AFG2A: variants seen among roughly 807,000 people sequenced by gnomAD.
AFG2A encodes the protein ATPase family gene 2 protein homolog A.
At chr4:123,059,032 A>G in the AFG2A span, among the ~76,000 whole-genome samples, 1 of 152,100 alleles carries the variant, frequency 6.6e-6, no homozygotes, top group South Asian at 2.1e-4. Context: ...TTGGATAAAT[A>G]CACCCGTTCC....
chr4:123,036,626 G>GTAATA, the AFG2A span, among the ~76,000 whole-genome samples: 1 of 152,050 alleles, frequency 6.6e-6, no homozygotes, highest in Non-Finnish European at 1.5e-5. Context: ...GGATTTCATG[G>GTAATA]GCATGTAAAT....
the AFG2A span, chr4:122,927,580 T>C: frequency 2.1e-5 from 32 of 1,543,124 alleles, no homozygotes; most frequent in African/African-American, 2.8e-5. Context: ...AAAGAAAGCA[T>C]GCCTTAACTT....
chr4:122,998,467 C>T, the AFG2A span, among the ~76,000 whole-genome samples: 61 of 151,778 alleles, frequency 4.0e-4, no homozygotes, highest in Middle Eastern at 3.4e-3. Flanking sequence ...CCCACTCCCC[C>T]CACCCCACAA....
the AFG2A span, among the ~76,000 whole-genome samples, chr4:123,225,136 A>G: frequency 1.3e-5 from 2 of 152,188 alleles, no homozygotes; most frequent in African/African-American, 4.8e-5. Flanking sequence ...AGTAGATTGC[A>G]AAAATTTTCT....
the AFG2A span, among the ~76,000 whole-genome samples, chr4:123,105,141 C>T: frequency 3.9e-5 from 6 of 152,110 alleles, no homozygotes; most frequent in African/African-American, 7.2e-5. Flanking sequence ...CTGGTGACTA[C>T]GTGGAAGCCA....
At chr4:123,073,534 G>A in the AFG2A span, among the ~76,000 whole-genome samples, 2 of 152,018 alleles carry the variant, frequency 1.3e-5, no homozygotes, top group African/African-American at 4.8e-5. Flanking sequence ...CCCAAACTTT[G>A]CTATGGAGAG....
At chr4:123,228,930 C>T in the AFG2A span, among the ~76,000 whole-genome samples, 1 of 151,900 alleles carries the variant, frequency 6.6e-6, no homozygotes, top group African/African-American at 2.4e-5. Flanking sequence ...TTATCAAGCA[C>T]ATTAGATATT....
the AFG2A span, among the ~76,000 whole-genome samples, chr4:123,030,159 A>G: frequency 6.6e-6 from 1 of 152,162 alleles, no homozygotes; most frequent in Non-Finnish European, 1.5e-5. Context: ...TGTCTACTGG[A>G]AATCTAAAAT....
the AFG2A span, among the ~76,000 whole-genome samples, chr4:123,156,372 C>T: frequency 6.6e-6 from 1 of 152,080 alleles, no homozygotes; most frequent in East Asian, 1.9e-4. Flanking sequence ...CTTCAAGGGC[C>T]TATTCTCTAT....
chr4:122,928,967 C>T, the AFG2A span: 1 of 1,534,636 alleles, frequency 6.5e-7, no homozygotes, highest in Non-Finnish European at 8.8e-7. Context: ...CTGTGCTTAG[C>T]ATTCTACCTT....
chr4:123,187,463 G>A, the AFG2A span, among the ~76,000 whole-genome samples: 8 of 152,044 alleles, frequency 5.3e-5, no homozygotes, highest in South Asian at 2.1e-4. Context: ...TTTGGTCTTC[G>A]TTCAAAAGCA....
At chr4:123,059,616 G>A in the AFG2A span, among the ~76,000 whole-genome samples, 3 of 151,278 alleles carry the variant, frequency 2.0e-5, no homozygotes, top group Admixed American at 6.6e-5. Flanking sequence ...ATAAACATAC[G>A]TGTGCATGTG....
the AFG2A span, among the ~76,000 whole-genome samples, chr4:122,982,976 T>A: frequency 1.4e-5 from 2 of 147,820 alleles, no homozygotes; most frequent in Admixed American, 1.4e-4. Flanking sequence ...CAAGTGATTC[T>A]CCTGCCTCAA....
the AFG2A span, among the ~76,000 whole-genome samples, chr4:123,007,613 T>TAC: frequency 2.8e-5 from 1 of 35,398 alleles, no homozygotes; most frequent in Non-Finnish European, 5.0e-5. Context: ...TGTGTGTATA[T>TAC]ATATATATAT....
At chr4:123,143,705 A>G in the AFG2A span, among the ~76,000 whole-genome samples, 11 of 152,066 alleles carry the variant, frequency 7.2e-5, no homozygotes, top group Admixed American at 5.2e-4. Context: ...CATGAAGAAT[A>G]GAATGTAATG....
At chr4:122,991,163 T>C in the AFG2A span, among the ~76,000 whole-genome samples, 7 of 152,206 alleles carry the variant, frequency 4.6e-5, no homozygotes, top group Non-Finnish European at 1.0e-4. Context: ...TGTTTGCCCT[T>C]TTGTGTGCAG....
At chr4:123,004,076 A>G in the AFG2A span, among the ~76,000 whole-genome samples, 4 of 152,268 alleles carry the variant, frequency 2.6e-5, no homozygotes, top group Middle Eastern at 3.4e-3. Context: ...TGTGCTAGGA[A>G]TCAGCGAGAC....
the AFG2A span, among the ~76,000 whole-genome samples, chr4:123,254,427 C>T: frequency 2.0e-5 from 3 of 152,038 alleles, no homozygotes; most frequent in African/African-American, 7.2e-5. Flanking sequence ...TTTTATTTAT[C>T]CGTATCTTTA....
the AFG2A span, among the ~76,000 whole-genome samples, chr4:123,038,359 A>AT: frequency 6.6e-6 from 1 of 152,100 alleles, no homozygotes; most frequent in Non-Finnish European, 1.5e-5. Context: ...GCTCTCTTCC[A>AT]TTTTTAAGAA....
Sources: allele counts gnomAD v4.1 joint callset (sites outside exome capture counted in the v4.1 genomes callset), GRCh38; gene constraint gnomAD v4.1.1; transcripts MANE v1.5; gene names NCBI Gene and HGNC (gene_info 2026-07-23, HGNC 2026-07-21).